The following ENO1 variants were observed in gnomAD, a reference collection of about 807,000 sequenced individuals.
The protein encoded by ENO1 is enolase 1.
Under a neutral mutation model 46.3 loss-of-function variants are expected in ENO1, and 33 were observed. The observed-to-expected ratio is 0.71, with a 90% confidence interval of 0.54 to 0.95. The LOEUF is 0.95. Ranked by LOEUF, ENO1 falls within the 40% of genes least tolerant of loss-of-function variation. The pLI is 0.00. For missense variants in ENO1, 488 were observed against 553.3 expected, an observed-to-expected ratio of 0.88 and a Z score of 1.18; for synonymous variants, 220 against 216.0, an observed-to-expected ratio of 1.02 and a Z score of -0.16.
intron 7 of ENO1, among the ~76,000 whole-genome samples, chr1:8,865,728 G>T (rs1483150629): frequency 6.6e-6 from 1 of 152,136 alleles, no homozygotes; most frequent in Non-Finnish European, 1.5e-5. Flanking sequence ...ACTGACAAAT[G>T]CTCCCAAATT....
chr1:8,861,567 G>A, intron 11 of ENO1, 138 bp from the exon 12 acceptor site: 2 of 790,154 alleles, frequency 2.5e-6, no homozygotes, highest in Non-Finnish European at 2.0e-6. Context: ...TCTCCAGTTT[G>A]TCCACCTTCT....
chr1:8,862,023 C>T (rs902402669), intron 11 of ENO1, among the ~76,000 whole-genome samples: 8 of 152,050 alleles, frequency 5.3e-5, no homozygotes, highest in Non-Finnish European at 1.2e-4. Context: ...TGGTGGGCAC[C>T]TGTAATCCCA....
chr1:8,870,104 G>A, intron 4 of ENO1: 1 of 259,330 alleles, frequency 3.9e-6, no homozygotes, highest in Admixed American at 4.7e-5. Context: ...TAATTCCAAA[G>A]TTCATGAGAA....
Position 8,862,955 on chromosome 1 carries a change from A to G in ENO1, c.1177-10T>C. ...GGGCACCAGTCTTGATCTAGGAGAA[A>G]AGAAAGGCCATTTGCTTACAGCGGA... On this transcript the variant is annotated splice_polypyrimidine_tract_variant and intron_variant, in intron 10 of 11. Transcript: ENST00000234590. 1 of 1,613,966 alleles carries G rather than the reference A, an allele frequency of 6.2e-7. No homozygotes were observed. The highest frequency in any genetic ancestry group is 8.5e-7 in the Non-Finnish European group (1 of 1,179,860).
At position 8,865,362 on chromosome 1, in the gene ENO1, G is replaced by C; in HGVS notation, c.788C>G (p.Ser263Cys). Residue 263 changes from serine to cysteine, a missense_variant, in exon 8 of 12, where the codon TCT becomes TGT. Transcript: ENST00000234590. ...RSGKYDLDFKSPDDPSRYISP... is the reference protein window; with the variant it reads ...RSGKYDLDFKCPDDPSRYISP... ...GATGTACCTGCTGGGGTCATCGGGAGACTTGAAGTCCAGGTCATACTTCCC... is the reference window on the plus strand; with the variant it reads ...GATGTACCTGCTGGGGTCATCGGGACACTTGAAGTCCAGGTCATACTTCCC... 6.2e-7 allele frequency: 1 copy of C among 1,614,222 alleles called. No individual in the cohort carries two copies. The highest frequency in any genetic ancestry group is 8.5e-7 in the Non-Finnish European group (1 of 1,180,044).
At chr1:8,867,931 A>G in intron 5 of ENO1, 57 bp downstream of exon 5, 1 of 1,510,092 alleles carries the variant, frequency 6.6e-7, no homozygotes, top group African/African-American at 1.4e-5. Context: ...AAGGTTTTAA[A>G]ATCTTCAGGA....
At position 8,867,990 on chromosome 1, in the gene ENO1, T is replaced by G. The variant is rs1467337761; in HGVS notation, c.308A>C (p.Lys103Thr). ...AGACGCCACCTCAGGCCACTCACAT[T>G]TATTTTCTGTTCCATCCATCTCGAT... ...LMIEMDGTENKSKFGANAILG... is the reference protein window; with the variant it reads ...LMIEMDGTENTSKFGANAILG... The change falls in exon 5 of 12, where the codon AAA becomes ACA. Residue 103 changes from lysine to threonine, a missense_variant and splice_region_variant. Lys to Thr is a moderately conservative substitution (Grantham distance 78). Coordinates refer to ENST00000234590, the MANE Select transcript of ENO1 (RefSeq NM_001428.5). 6.2e-7 allele frequency: 1 copy of G among 1,613,966 alleles called. No homozygotes were observed. Among genetic ancestry groups the G allele is most frequent in the Non-Finnish European group, 8.5e-7 (1 of 1,179,904 alleles).
chr1:8,875,973 GA>G (rs969747885), intron 1 of ENO1: 1 of 151,984 alleles, frequency 6.6e-6, no homozygotes, highest in African/African-American at 2.4e-5. Context: ...TTTGTAAATA[GA>G]GGAAAGATTC....
intron 4 of ENO1, 115 bp from the exon 5 acceptor site, chr1:8,868,172 T>C (rs1316420359): frequency 7.4e-6 from 6 of 806,688 alleles, no homozygotes; most frequent in Admixed American, 2.6e-5. Flanking sequence ...AATTCTGTGA[T>C]GTTTGTTTTA....
chr1:8,872,781 A>G (rs1449217383), intron 2 of ENO1, among the ~76,000 whole-genome samples: 1 of 152,146 alleles, frequency 6.6e-6, no homozygotes, highest in African/African-American at 2.4e-5. Flanking sequence ...GCTAAATGCT[A>G]TTTTAGGGGT....
intron 11 of ENO1, among the ~76,000 whole-genome samples, chr1:8,861,965 G>A (rs1427501206): frequency 6.6e-6 from 1 of 151,126 alleles, no homozygotes; most frequent in East Asian, 1.9e-4. Context: ...GACCAATATG[G>A]TGAAACCCCG....
chr1:8,868,183 T>A, intron 4 of ENO1, 126 bp from the exon 5 acceptor site: 8 of 777,862 alleles, frequency 1.0e-5, no homozygotes, highest in Non-Finnish European at 1.7e-5. Context: ...GTTTGTTTTA[T>A]AAGCAAAAAA....
At chr1:8,877,491 G>T (rs1283004962) in intron 1 of ENO1, 1 of 152,428 alleles carries the variant, frequency 6.6e-6, no homozygotes, top group Non-Finnish European at 1.5e-5. Flanking sequence ...AAAGGCAAGT[G>T]AAGCAATGGA....
intron 11 of ENO1, among the ~76,000 whole-genome samples, chr1:8,862,310 T>C (rs1642420428): frequency 6.6e-6 from 1 of 152,128 alleles, no homozygotes; most frequent in Non-Finnish European, 1.5e-5. Context: ...ACCTGCTTTT[T>C]TGTATATGTT....
intron 1 of ENO1, among the ~76,000 whole-genome samples, chr1:8,876,503 G>A (rs1642734847): frequency 6.6e-6 from 1 of 152,108 alleles, no homozygotes; most frequent in Admixed American, 6.6e-5. Context: ...CCATCTCCAG[G>A]CCACCACTGT....
intron 2 of ENO1, among the ~76,000 whole-genome samples, chr1:8,872,775 A>C (rs1380029920): frequency 6.6e-6 from 1 of 152,166 alleles, no homozygotes; most frequent in Non-Finnish European, 1.5e-5. Context: ...GACAATGCTA[A>C]ATGCTATTTT....
chr1:8,868,652 G>C (rs181152229), intron 4 of ENO1, among the ~76,000 whole-genome samples: 130 of 152,292 alleles, frequency 8.5e-4, no homozygotes, highest in African/African-American at 3.1e-3. Context: ...CTGGCTCAAA[G>C]TAATCCAATA....
At chr1:8,867,742 G>A (rs1000800309) in intron 5 of ENO1, among the ~76,000 whole-genome samples, 1 of 152,032 alleles carries the variant, frequency 6.6e-6, no homozygotes, top group African/African-American at 2.4e-5. Context: ...ACGTTGGCCA[G>A]GATGGTCTCG....
intron 9 of ENO1, 80 bp downstream of exon 9, chr1:8,863,811 C>T: frequency 6.8e-7 from 1 of 1,470,360 alleles, no homozygotes; most frequent in South Asian, 1.1e-5. Flanking sequence ...GCAGGATTCC[C>T]CATCACCAGA....
Sources: allele counts gnomAD v4.1 joint callset (sites outside exome capture counted in the v4.1 genomes callset), GRCh38; gene constraint gnomAD v4.1.1; transcripts MANE v1.5; gene names NCBI Gene and HGNC (gene_info 2026-07-23, HGNC 2026-07-21).